The following INPP4B variants were observed in gnomAD, a reference collection of about 807,000 sequenced individuals.
INPP4B encodes inositol polyphosphate-4-phosphatase type II B, also known as inositol polyphosphate 4-phosphatase type II.
Under a neutral mutation model 122.5 loss-of-function variants are expected in INPP4B, and 55 were observed. That is an observed-to-expected ratio of 0.45 (90% CI 0.36 to 0.56). INPP4B has a LOEUF of 0.56. Among genes scored for constraint, INPP4B ranks in the 20% least tolerant of loss-of-function variants. The pLI is 0.00. For missense variants in INPP4B, 1,000 were observed against 1,097.7 expected, an observed-to-expected ratio of 0.91 and a Z score of 1.26; for synonymous variants, 403 against 388.7, an observed-to-expected ratio of 1.04 and a Z score of -0.43.
Position 142,793,104 on chromosome 4 carries a change from G to A in INPP4B, c.-254+53105C>T, listed in dbSNP as rs144822432. ...AGTGCTACAGAATCAGGGATGGGCC[G>A]ATCAATTACACACGTTTATTTGTTT... is the stretch of plus-strand genomic sequence containing the variant. On this transcript the variant is annotated intron_variant, in intron 1 of 25. Coordinates refer to ENST00000262992, the MANE Select transcript of INPP4B (RefSeq NM_001101669.3). 4.7e-4 allele frequency among the ~76,000 whole-genome samples: 71 copies of A among 150,386 alleles called. No homozygotes were observed. In the East Asian group the frequency reaches 0.01, roughly 22 times the overall value.
chr4:142,338,135 C>T (rs1283937881), intron 7 of INPP4B, among the ~76,000 whole-genome samples: 1 of 152,068 alleles, frequency 6.6e-6, no homozygotes, highest in East Asian at 1.9e-4. Flanking sequence ...ACACAGAACC[C>T]CTATACCTAG....
intron 7 of INPP4B, among the ~76,000 whole-genome samples, chr4:142,355,798 C>A (rs1186143105): frequency 6.6e-6 from 1 of 151,688 alleles, no homozygotes; most frequent in African/African-American, 2.4e-5. Flanking sequence ...CTTATCAGAG[C>A]ATGAGATGAA....
chr4:142,730,097 A>G (rs1010543918), intron 1 of INPP4B, among the ~76,000 whole-genome samples: 3 of 152,038 alleles, frequency 2.0e-5, no homozygotes, highest in African/African-American at 7.2e-5. Flanking sequence ...TTTCGAGTAC[A>G]CCTTCAGTTC....
At chr4:142,215,767 C>G (rs1461550682) in intron 12 of INPP4B, among the ~76,000 whole-genome samples, 1 of 151,380 alleles carries the variant, frequency 6.6e-6, no homozygotes, top group Non-Finnish European at 1.5e-5. Flanking sequence ...GTGGTGGGCG[C>G]CTGTAGTCCC....
intron 17 of INPP4B, among the ~76,000 whole-genome samples, chr4:142,152,984 C>T (rs1815166966): frequency 6.6e-6 from 1 of 152,142 alleles, no homozygotes; most frequent in African/African-American, 2.4e-5. Flanking sequence ...AAAAACTATA[C>T]TATAAGAAGT....
chr4:142,534,608 A>T (rs968707778), intron 2 of INPP4B, among the ~76,000 whole-genome samples: 1 of 151,842 alleles, frequency 6.6e-6, no homozygotes, highest in Non-Finnish European at 1.5e-5. Flanking sequence ...ATGGACTATG[A>T]CAAATGCCTA....
At chr4:142,347,027 T>C (rs1780516979) in intron 7 of INPP4B, among the ~76,000 whole-genome samples, 1 of 152,068 alleles carries the variant, frequency 6.6e-6, no homozygotes, top group African/African-American at 2.4e-5. Flanking sequence ...AGTCCTTCCT[T>C]ATAAGAATGT....
chr4:142,084,868 C>T (rs1775999147), intron 24 of INPP4B, among the ~76,000 whole-genome samples: 1 of 152,158 alleles, frequency 6.6e-6, no homozygotes. Flanking sequence ...GTTTGTAAAT[C>T]ATCAGATGGC....
chr4:142,246,033 CGT>C (rs1264246054), intron 11 of INPP4B, among the ~76,000 whole-genome samples: 14 of 127,006 alleles, frequency 1.1e-4, no homozygotes, highest in South Asian at 2.5e-4. Context: ...TGTACACACA[CGT>C]GTGTGTATAC....
chr4:142,550,491 C>T (rs1005219061), intron 2 of INPP4B, among the ~76,000 whole-genome samples: 3 of 151,722 alleles, frequency 2.0e-5, no homozygotes, highest in African/African-American at 7.3e-5. Flanking sequence ...AGTTCAACTT[C>T]TCTGAGATAA....
chr4:142,032,627 A>G (rs1428024997), intron 25 of INPP4B, among the ~76,000 whole-genome samples: 1 of 152,200 alleles, frequency 6.6e-6, no homozygotes, highest in Non-Finnish European at 1.5e-5. Flanking sequence ...TAGCTGTGAT[A>G]TAGATCAGAG....
At position 142,337,884 on chromosome 4, in the gene INPP4B, T is replaced by A. The variant is rs7666470; in HGVS notation, c.373-23122A>T. Among the ~76,000 whole-genome samples the A allele has an allele frequency of 5.8e-3, 881 of 151,312 alleles. 12 individuals are homozygous for A. Among genetic ancestry groups the A allele is most frequent in the African/African-American group, 0.02 (835 of 41,294 alleles). On this transcript the variant is annotated intron_variant, in intron 7 of 25. Coordinates refer to ENST00000262992, the MANE Select transcript of INPP4B (RefSeq NM_001101669.3). ...CTCTTTTTATGGTGTCTTTTTCACG[T>A]CTCTTAGACATTCATATTTGAAAGC...
intron 1 of INPP4B, among the ~76,000 whole-genome samples, chr4:142,833,007 G>T (rs1214172020): frequency 6.6e-6 from 1 of 151,912 alleles, no homozygotes; most frequent in African/African-American, 2.4e-5. Flanking sequence ...ATTGTTTGGG[G>T]AATATGTAAT....
chr4:142,384,267 A>G (rs1795186556), intron 7 of INPP4B, among the ~76,000 whole-genome samples: 1 of 152,246 alleles, frequency 6.6e-6, no homozygotes, highest in Non-Finnish European at 1.5e-5. Context: ...TCACTAAATT[A>G]CATTCCAATG....
At chr4:142,468,141 T>G (rs1818155605) in intron 2 of INPP4B, 1 of 152,178 alleles carries the variant, frequency 6.6e-6, no homozygotes, top group Admixed American at 6.5e-5. Context: ...AAAAGCAAAT[T>G]AACACAGCCC....
chr4:142,468,530 TG>T (rs915820789), intron 2 of INPP4B, among the ~76,000 whole-genome samples: 20 of 152,196 alleles, frequency 1.3e-4, no homozygotes, highest in African/African-American at 4.3e-4. Context: ...GCCTTAGTCA[TG>T]GGGGTGGATT....
intron 16 of INPP4B, among the ~76,000 whole-genome samples, chr4:142,168,351 C>A (rs1409798803): frequency 1.3e-5 from 2 of 151,646 alleles, no homozygotes; most frequent in African/African-American, 4.8e-5. Context: ...TGCTTCATGG[C>A]ATGCTTAGTA....
chr4:142,729,345 G>A (rs1384577972), intron 1 of INPP4B, among the ~76,000 whole-genome samples: 2 of 152,122 alleles, frequency 1.3e-5, no homozygotes, highest in Non-Finnish European at 2.9e-5. Flanking sequence ...ACACCCAGCT[G>A]CACGTGACAA....
At chr4:142,519,483 T>C (rs1277849534) in intron 2 of INPP4B, among the ~76,000 whole-genome samples, 1 of 152,144 alleles carries the variant, frequency 6.6e-6, no homozygotes, top group Non-Finnish European at 1.5e-5. Flanking sequence ...ACTGGCAGAA[T>C]TGAGTTGTTT....
Sources: gnomAD v4.1 joint callset for allele counts (sites outside exome capture counted in the v4.1 genomes callset) on GRCh38, gnomAD v4.1.1 for gene constraint, MANE v1.5 for transcripts, NCBI Gene and HGNC (gene_info 2026-07-23, HGNC 2026-07-21) for gene names.